The following STARD13 variants were observed in gnomAD, a reference collection of about 807,000 sequenced individuals.
The protein encoded by STARD13 is stAR-related lipid transfer protein 13.
STARD13 carries 62 observed loss-of-function variants against 106.4 expected under a neutral mutation model. The observed-to-expected ratio is 0.58, with a 90% CI of 0.48 to 0.72. STARD13 has a LOEUF of 0.72. Ranked by LOEUF, STARD13 falls within the 30% of genes least tolerant of loss-of-function variation. STARD13 has a pLI of 0.00. For synonymous variants in STARD13, 565 were observed against 553.0 expected (o/e 1.02, Z -0.31); for missense variants, 1,387 against 1,424.0 (o/e 0.97, Z 0.42).
chr13:33,145,087 C>T (rs1210550224), intron 3 of STARD13, among the ~76,000 whole-genome samples: 1 of 152,188 alleles, frequency 6.6e-6, no homozygotes. Context: ...CTGTACCTTA[C>T]AAATTGCTTC....
chr13:33,266,959 C>G (rs1054109274), intron 1 of STARD13, among the ~76,000 whole-genome samples: 1 of 152,118 alleles, frequency 6.6e-6, no homozygotes, highest in Non-Finnish European at 1.5e-5. Context: ...AGAGCTGATG[C>G]GGAAAAAGTG....
the STARD13 span, among the ~76,000 whole-genome samples, chr13:33,644,514 G>A: frequency 6.6e-6 from 1 of 152,042 alleles, no homozygotes; most frequent in Non-Finnish European, 1.5e-5. Flanking sequence ...AGAGATGACA[G>A]AAGTTTAGGA....
chr13:33,599,004 G>A, the STARD13 span, among the ~76,000 whole-genome samples: 3 of 152,158 alleles, frequency 2.0e-5, no homozygotes, highest in African/African-American at 4.8e-5. Context: ...ACTTTTGGGA[G>A]TGATATCTAC....
chr13:33,587,521 G>A, the STARD13 span, among the ~76,000 whole-genome samples: 54 of 152,034 alleles, frequency 3.6e-4, no homozygotes, highest in African/African-American at 1.2e-3. Flanking sequence ...ATCATGGCTG[G>A]CCCGTAATCA....
rs192975359 is a variant in STARD13, at chr13:33,216,949, T to C, written c.170-49327A>G. Among the ~76,000 whole-genome samples the C allele has an allele frequency of 2.1e-3, 314 of 152,280 alleles. 1 individual carries two copies. The highest frequency in any genetic ancestry group is 7.3e-3 in the African/African-American group (303 of 41,554). ...CTTGGAACACAGGCCATACAGGGAA[T>C]CAAGGCCTTTAGTTTTGGGTTAAAT... On this transcript the variant is annotated intron_variant, in intron 1 of 13. Transcript: ENST00000336934.
At chr13:33,296,244 C>A (rs1892489106) in intron 1 of STARD13, among the ~76,000 whole-genome samples, 1 of 149,124 alleles carries the variant, frequency 6.7e-6, no homozygotes, top group South Asian at 2.1e-4. Context: ...AAAAAAAAAT[C>A]ACCATGACAT....
Position 33,130,083 on chromosome 13 carries a change from A to G in STARD13, c.594T>C (p.Ile198=), listed in dbSNP as rs758204225. ...CGCTGCCTCCACTGCTTTCGCTGTGAATGGAGCAGACCTCAGGCTCGCTCA... is the reference window on the plus strand; with the variant it reads ...CGCTGCCTCCACTGCTTTCGCTGTGGATGGAGCAGACCTCAGGCTCGCTCA... ...TDLSEPEVCS[I]HSESSGGSDS... Residue 198 remains isoleucine, a synonymous_variant, in exon 5 of 14, where the codon ATT becomes ATC. Coordinates refer to ENST00000336934, the MANE Select transcript of STARD13 (RefSeq NM_178006.4). This position sits in a 1 kb window ranked among gnomAD's most constrained non-coding sequence, Gnocchi z 4.1. The G allele has an allele frequency of 3.7e-6, 6 of 1,613,948 alleles. No individual in the cohort carries two copies. The South Asian group carries it at 5.5e-5, about 15-fold the overall frequency.
chr13:33,524,556 T>C, the STARD13 span, among the ~76,000 whole-genome samples: 1 of 151,996 alleles, frequency 6.6e-6, no homozygotes, highest in Non-Finnish European at 1.5e-5. Flanking sequence ...ACATTTTTGG[T>C]TAGTGAGATC....
the STARD13 span, among the ~76,000 whole-genome samples, chr13:33,544,834 C>T: frequency 7.0e-6 from 1 of 143,088 alleles, no homozygotes; most frequent in Admixed American, 7.3e-5. Flanking sequence ...AGTGCAGTGG[C>T]CAGATTTCAG....
At chr13:33,160,656 T>C (rs1882508704) in intron 3 of STARD13, among the ~76,000 whole-genome samples, 1 of 152,150 alleles carries the variant, frequency 6.6e-6, no homozygotes, top group Admixed American at 6.6e-5. Flanking sequence ...AAAGAAGACG[T>C]ATGGATGGTA....
intron 1 of STARD13, among the ~76,000 whole-genome samples, chr13:33,331,576 G>A (rs1236494505): frequency 6.8e-6 from 1 of 146,238 alleles, no homozygotes; most frequent in African/African-American, 2.5e-5. Flanking sequence ...ATGTTGGTCA[G>A]GCTAGTCTCG....
the STARD13 span, among the ~76,000 whole-genome samples, chr13:33,595,862 C>G: frequency 1.3e-5 from 2 of 152,102 alleles, no homozygotes; most frequent in Non-Finnish European, 2.9e-5. Flanking sequence ...TTAAAACAAA[C>G]AAACAAAGAA....
chr13:33,495,664 T>A, the STARD13 span, among the ~76,000 whole-genome samples: 863 of 151,864 alleles, frequency 5.7e-3, 4 homozygotes, highest in Non-Finnish European at 0.01. Context: ...AGGAGCATGG[T>A]TTTGAATTGT....
chr13:33,299,775 T>C (rs1372499275), intron 1 of STARD13, among the ~76,000 whole-genome samples: 2 of 152,204 alleles, frequency 1.3e-5, no homozygotes, highest in Non-Finnish European at 2.9e-5. Context: ...GCCTACTCTG[T>C]GCCAGGCAAA....
the STARD13 span, among the ~76,000 whole-genome samples, chr13:33,434,298 A>T: frequency 6.9e-6 from 1 of 145,536 alleles, no homozygotes; most frequent in Non-Finnish European, 1.5e-5. Flanking sequence ...GGTTGCAGTG[A>T]ACCTAGATCA....
intron 6 of STARD13, among the ~76,000 whole-genome samples, chr13:33,126,969 T>G (rs1877270734): frequency 6.6e-6 from 1 of 152,254 alleles, no homozygotes; most frequent in Non-Finnish European, 1.5e-5. Context: ...ATTTGAAGAA[T>G]TAAATGCTCT....
intron 7 of STARD13, among the ~76,000 whole-genome samples, chr13:33,124,996 G>T (rs1466765825): frequency 6.6e-6 from 1 of 152,204 alleles, no homozygotes; most frequent in African/African-American, 2.4e-5. Context: ...TTAAAAATGA[G>T]GAGGGACAAA....
the STARD13 span, among the ~76,000 whole-genome samples, chr13:33,360,276 C>T: frequency 1.3e-5 from 2 of 151,712 alleles, no homozygotes; most frequent in Non-Finnish European, 2.9e-5. Context: ...GCCATCTTGG[C>T]TCACTGCAAA....
chr13:33,228,970 T>G (rs1888764808), intron 1 of STARD13, among the ~76,000 whole-genome samples: 1 of 152,206 alleles, frequency 6.6e-6, no homozygotes, highest in Non-Finnish European at 1.5e-5. Flanking sequence ...ACTACTCATA[T>G]GTAACCACAA....
Sources: allele counts gnomAD v4.1 joint callset (sites outside exome capture counted in the v4.1 genomes callset), GRCh38; gene constraint gnomAD v4.1.1; non-coding constraint Gnocchi (gnomAD v3.1); transcripts MANE v1.5; gene names NCBI Gene and HGNC (gene_info 2026-07-23, HGNC 2026-07-21).